LRRC49: variants seen among roughly 807,000 people sequenced by gnomAD.
LRRC49 encodes the protein leucine-rich repeat-containing protein 49.
In LRRC49, 50 loss-of-function variants were observed where a neutral mutation model predicts 83.3. The observed-to-expected ratio is 0.60, with a 90% confidence interval of 0.48 to 0.76. LRRC49 has a LOEUF of 0.76. Among genes scored for constraint, LRRC49 ranks in the 30% least tolerant of loss-of-function variants. The pLI, the probability that LRRC49 is intolerant of heterozygous loss-of-function variation, is 0.00. For missense variants in LRRC49, 704 were observed against 809.1 expected (o/e 0.87, Z 1.58); for synonymous variants, 286 against 283.3 (o/e 1.01, Z -0.10).
chr15:70,905,700 G>T (rs971825742), intron 5 of LRRC49, among the ~76,000 whole-genome samples: 1 of 152,092 alleles, frequency 6.6e-6, no homozygotes, highest in African/African-American at 2.4e-5. Context: ...GACAAAAGGA[G>T]GTATGATCTA....
chr15:70,899,988 C>T (rs1235621691), intron 3 of LRRC49, among the ~76,000 whole-genome samples: 1 of 152,108 alleles, frequency 6.6e-6, no homozygotes, highest in East Asian at 1.9e-4. Context: ...TGGAACTTCT[C>T]ATTGTTTCTT....
At chr15:70,999,267 T>C (rs897125802) in intron 11 of LRRC49, among the ~76,000 whole-genome samples, 3 of 152,196 alleles carry the variant, frequency 2.0e-5, no homozygotes, top group Non-Finnish European at 4.4e-5. Context: ...TGGACATTTA[T>C]GTGACAACTC....
chr15:70,970,272 G>A (rs1469226661), intron 9 of LRRC49, among the ~76,000 whole-genome samples: 1 of 152,130 alleles, frequency 6.6e-6, no homozygotes, highest in African/African-American at 2.4e-5. Flanking sequence ...TTATGTGATG[G>A]ATTACATTTA....
At chr15:71,006,248 T>C (rs1017654264) in intron 11 of LRRC49, among the ~76,000 whole-genome samples, 1 of 152,196 alleles carries the variant, frequency 6.6e-6, no homozygotes, top group African/African-American at 2.4e-5. Flanking sequence ...ACAAAATAAA[T>C]AATCCCTTTC....
intron 2 of LRRC49, among the ~76,000 whole-genome samples, chr15:70,883,638 T>C (rs531609005): frequency 2.0e-5 from 3 of 148,246 alleles, no homozygotes; most frequent in Non-Finnish European, 4.4e-5. Flanking sequence ...AAAACTACAT[T>C]GTGAAATGGA....
At chr15:70,939,986 C>G (rs1205415409) in intron 8 of LRRC49, among the ~76,000 whole-genome samples, 1 of 151,534 alleles carries the variant, frequency 6.6e-6, no homozygotes, top group Non-Finnish European at 1.5e-5. Context: ...TCCTTCATCA[C>G]TATTCTCTAA....
chr15:70,965,020 A>G (rs558019674), intron 9 of LRRC49, among the ~76,000 whole-genome samples: 9 of 152,258 alleles, frequency 5.9e-5, no homozygotes, highest in South Asian at 2.1e-4. Context: ...CTCTCTCTCT[A>G]TTCCATGGTG....
chr15:70,873,104 T>C, exon 2 of LRRC49: 2 of 928,524 alleles, frequency 2.2e-6, no homozygotes, highest in Non-Finnish European at 3.4e-6. Flanking sequence ...AGGCTGGTCT[T>C]GAATTCCTGA....
chr15:70,860,094 T>C (rs527548018), intron 1 of LRRC49: 6 of 719,810 alleles, frequency 8.3e-6, no homozygotes, highest in Non-Finnish European at 1.5e-5. Flanking sequence ...ACCAGGGCTG[T>C]GGTTGAAGAA....
At chr15:71,015,317 C>T (rs984210971) in intron 14 of LRRC49, among the ~76,000 whole-genome samples, 4 of 152,104 alleles carry the variant, frequency 2.6e-5, no homozygotes, top group Non-Finnish European at 5.9e-5. Context: ...GGACTGGTTT[C>T]GTGACAGACA....
rs982624211 is a variant in LRRC49 at position 70,954,547 on chromosome 15, G to A, written c.774-9238G>A. 5.9e-5 allele frequency among the ~76,000 whole-genome samples: 9 copies of A among 152,166 alleles called. No individual in the cohort carries two copies. In the East Asian group the frequency reaches 1.5e-3, roughly 26 times the overall value. On this transcript the variant is annotated intron_variant, in intron 8 of 15. Coordinates refer to ENST00000260382, the MANE Select transcript of LRRC49 (RefSeq NM_017691.5). ...AGTTCTTGTGCTGGGTCTTTCTTCT[G>A]TGACAGCTGATGATTCTTTATTATT... is the stretch of plus-strand genomic sequence containing the variant.
chr15:70,990,491 C>T (rs1056115370), intron 11 of LRRC49, among the ~76,000 whole-genome samples: 2 of 152,214 alleles, frequency 1.3e-5, no homozygotes, highest in African/African-American at 4.8e-5. Context: ...ATCGGAAAAG[C>T]ACAGTATTGG....
intron 2 of LRRC49, 74 bp downstream of exon 2, chr15:70,893,714 G>T: frequency 8.6e-7 from 1 of 1,158,474 alleles, no homozygotes; most frequent in Non-Finnish European, 1.3e-6. Flanking sequence ...ATGACTTAAA[G>T]TGTAGATAGA....
intron 8 of LRRC49, among the ~76,000 whole-genome samples, chr15:70,943,607 T>C (rs1471302023): frequency 2.6e-5 from 4 of 152,236 alleles, no homozygotes; most frequent in Non-Finnish European, 5.9e-5. Flanking sequence ...GTGTGTTTAC[T>C]GGAGTTGCAC....
intron 8 of LRRC49, among the ~76,000 whole-genome samples, chr15:70,946,052 A>G (rs1022900075): frequency 1.3e-5 from 2 of 152,214 alleles, no homozygotes; most frequent in Non-Finnish European, 2.9e-5. Flanking sequence ...CAATTAACAT[A>G]TATGTTACCT....
At chr15:70,860,854 C>G (rs1055103282) in intron 1 of LRRC49, among the ~76,000 whole-genome samples, 2 of 152,170 alleles carry the variant, frequency 1.3e-5, no homozygotes, top group African/African-American at 4.8e-5. Context: ...CCCAGCCTGC[C>G]TTGCATATTG....
At chr15:70,958,399 G>A (rs544601661) in intron 8 of LRRC49, among the ~76,000 whole-genome samples, 1 of 152,200 alleles carries the variant, frequency 6.6e-6, no homozygotes, top group East Asian at 1.9e-4. Flanking sequence ...CATTTATCAA[G>A]TAGAAAATAC....
intron 14 of LRRC49, among the ~76,000 whole-genome samples, chr15:71,033,351 A>G (rs977042609): frequency 3.3e-5 from 5 of 152,198 alleles, no homozygotes; most frequent in African/African-American, 9.6e-5. Flanking sequence ...TCTATTTTCA[A>G]GAAGAACTAC....
intron 1 of LRRC49, among the ~76,000 whole-genome samples, chr15:70,855,683 CCTTT>C (rs1306425247): frequency 7.9e-5 from 12 of 152,134 alleles, no homozygotes; most frequent in African/African-American, 2.4e-4. Flanking sequence ...AATCTGTGTC[CCTTT>C]CTTTGTCGGA....
Sources: allele counts gnomAD v4.1 joint callset (sites outside exome capture counted in the v4.1 genomes callset), GRCh38; gene constraint gnomAD v4.1.1; transcripts MANE v1.5; gene names NCBI Gene and HGNC (gene_info 2026-07-23, HGNC 2026-07-21).